Variants in DSCAM observed in about 807,000 individuals in gnomAD.
DSCAM encodes the protein cell adhesion molecule DSCAM.
A neutral mutation model predicts 217.7 loss-of-function variants in DSCAM; 47 were observed. The observed-to-expected ratio is 0.22, with a 90% CI of 0.17 to 0.28. DSCAM has a LOEUF of 0.28. Among genes scored for constraint, DSCAM ranks in the 10% least tolerant of loss-of-function variants. The probability of loss-of-function intolerance (pLI) is 1.00; values close to 1 mark genes in which losing one functional copy is unlikely to be tolerated. For missense variants in DSCAM, 2,080 were observed against 2,618.3 expected (o/e 0.79, Z 4.49); for synonymous variants, 1,056 against 1,015.3 (o/e 1.04, Z -0.76).
At chr21:40,730,483 G>A (rs146624993) in intron 1 of DSCAM, among the ~76,000 whole-genome samples, 3 of 152,166 alleles carry the variant, frequency 2.0e-5, no homozygotes, top group African/African-American at 4.8e-5. Context: ...TGTGAAGACC[G>A]TGCCAGTCAC....
chr21:40,530,709 C>T (rs1016171919), intron 3 of DSCAM, among the ~76,000 whole-genome samples: 1 of 152,174 alleles, frequency 6.6e-6, no homozygotes, highest in Non-Finnish European at 1.5e-5. Context: ...CCTTTCTCCA[C>T]CCTAAACCCA....
chr21:40,752,698 A>G (rs1243116221), intron 1 of DSCAM, among the ~76,000 whole-genome samples: 1 of 152,084 alleles, frequency 6.6e-6, no homozygotes, highest in East Asian at 1.9e-4. Context: ...CAGAACAACA[A>G]CAACACAAAT....
chr21:40,768,366 A>C (rs2091414406), intron 1 of DSCAM, among the ~76,000 whole-genome samples: 1 of 140,374 alleles, frequency 7.1e-6, no homozygotes, highest in Non-Finnish European at 1.5e-5. Context: ...TAATTCTGGG[A>C]AGAGCTTCAG....
At chr21:40,701,133 T>C (rs2090652172) in intron 2 of DSCAM, among the ~76,000 whole-genome samples, 1 of 152,248 alleles carries the variant, frequency 6.6e-6, no homozygotes, top group South Asian at 2.1e-4. Context: ...CCAATAAATT[T>C]AAATTCTTTA....
intron 27 of DSCAM, among the ~76,000 whole-genome samples, chr21:40,071,815 T>C (rs895880307): frequency 6.6e-6 from 1 of 152,246 alleles, no homozygotes; most frequent in Non-Finnish European, 1.5e-5. Context: ...ATTCGACTAA[T>C]GCACTCCGGA....
intron 3 of DSCAM, among the ~76,000 whole-genome samples, chr21:40,402,805 T>C (rs1441147268): frequency 6.6e-6 from 1 of 152,152 alleles, no homozygotes; most frequent in Non-Finnish European, 1.5e-5. Flanking sequence ...TAACCATTTT[T>C]TGACCTTTCA....
intron 10 of DSCAM, among the ~76,000 whole-genome samples, chr21:40,277,525 G>A (rs1224715634): frequency 6.6e-6 from 1 of 152,056 alleles, no homozygotes; most frequent in Non-Finnish European, 1.5e-5. Flanking sequence ...AAATTGATAA[G>A]GTACCTAAGG....
chr21:40,515,430 C>A (rs1247112391), intron 3 of DSCAM, among the ~76,000 whole-genome samples: 6 of 152,134 alleles, frequency 3.9e-5, no homozygotes, highest in Admixed American at 3.9e-4. Flanking sequence ...TACTGCTGAA[C>A]AATTGGAGAG....
chr21:40,719,826 G>T (rs2090882665), intron 1 of DSCAM, among the ~76,000 whole-genome samples: 1 of 152,166 alleles, frequency 6.6e-6, no homozygotes, highest in African/African-American at 2.4e-5. Flanking sequence ...GGGCCATGAG[G>T]TGGCATCCAA....
At chr21:40,770,915 G>A (rs931129749) in intron 1 of DSCAM, among the ~76,000 whole-genome samples, 2 of 152,192 alleles carry the variant, frequency 1.3e-5, no homozygotes, top group South Asian at 2.1e-4. Flanking sequence ...AACAGAAGAG[G>A]TAGAAAGGGT....
chr21:40,732,933 G>A (rs1018066580), intron 1 of DSCAM, among the ~76,000 whole-genome samples: 2 of 152,212 alleles, frequency 1.3e-5, no homozygotes, highest in African/African-American at 4.8e-5. Flanking sequence ...TGATTGGCAG[G>A]TCAGACGATG....
intron 2 of DSCAM, among the ~76,000 whole-genome samples, chr21:40,704,273 A>T (rs2090688440): frequency 6.6e-6 from 1 of 152,192 alleles, no homozygotes; most frequent in Non-Finnish European, 1.5e-5. Flanking sequence ...AAGTAGGTGG[A>T]AGGGTATACT....
chr21:40,080,056 A>G (rs2089431484), intron 25 of DSCAM, 96 bp downstream of exon 25: 2 of 1,184,514 alleles, frequency 1.7e-6, no homozygotes, highest in African/African-American at 1.5e-5. Context: ...GTTCAAACAC[A>G]TAAACGTAAA....
At chr21:40,644,825 C>T (rs550191097) in intron 3 of DSCAM, among the ~76,000 whole-genome samples, 1 of 152,240 alleles carries the variant, frequency 6.6e-6, no homozygotes, top group African/African-American at 2.4e-5. Flanking sequence ...CACCAAGAAC[C>T]TGGACAACTC....
chr21:40,524,891 T>A (rs1460661066), intron 3 of DSCAM, among the ~76,000 whole-genome samples: 2 of 150,806 alleles, frequency 1.3e-5, no homozygotes, highest in African/African-American at 4.9e-5. Context: ...GCACCTATAA[T>A]CCCAGCTACT....
At chr21:40,058,690 T>C (rs1018040023) in intron 28 of DSCAM, among the ~76,000 whole-genome samples, 3 of 152,230 alleles carry the variant, frequency 2.0e-5, no homozygotes, top group Admixed American at 6.5e-5. Flanking sequence ...TTACTTAATA[T>C]TTGCTGTCAC....
intron 3 of DSCAM, among the ~76,000 whole-genome samples, chr21:40,398,094 T>C (rs543278171): frequency 2.7e-4 from 41 of 152,344 alleles, no homozygotes; most frequent in Non-Finnish European, 4.4e-5. Context: ...GTTTGGATTC[T>C]GCTGGCTATT....
chr21:40,754,214 G>GCT (rs1440643466), intron 1 of DSCAM, among the ~76,000 whole-genome samples: 1 of 152,134 alleles, frequency 6.6e-6, no homozygotes, highest in African/African-American at 2.4e-5. Flanking sequence ...ATCAGCACCT[G>GCT]CTCTTGTTCT....
intron 3 of DSCAM, among the ~76,000 whole-genome samples, chr21:40,637,108 CAT>C (rs202011231): frequency 0.47 from 17,429 of 37,288 alleles, 4,980 homozygotes; most frequent in Non-Finnish European, 0.5. Flanking sequence ...CCTTCTCATT[CAT>C]ATATATATAT....
Sources: gnomAD v4.1 joint callset for allele counts (sites outside exome capture counted in the v4.1 genomes callset) on GRCh38, gnomAD v4.1.1 for gene constraint, MANE v1.5 for transcripts, NCBI Gene and HGNC (gene_info 2026-07-23, HGNC 2026-07-21) for gene names.